The following ANO4 variants were observed in gnomAD, a reference collection of about 807,000 sequenced individuals.
The protein encoded by ANO4 is anoctamin 4.
Under a neutral mutation model 141.9 loss-of-function variants are expected in ANO4, and 69 were observed. That is an observed-to-expected ratio of 0.49 (90% CI 0.40 to 0.59). The LOEUF (loss-of-function observed/expected upper bound fraction) is 0.59, where lower values mean the gene tolerates loss of function less well. Ranked by LOEUF, ANO4 falls within the 20% of genes least tolerant of loss-of-function variation. The pLI, the probability that ANO4 is intolerant of heterozygous loss-of-function variation, is 0.00. For missense variants in ANO4, 894 were observed against 1,162.2 expected, an observed-to-expected ratio of 0.77 and a Z score of 3.36; for synonymous variants, 350 against 394.3, an observed-to-expected ratio of 0.89 and a Z score of 1.33.
chr12:101,012,418 C>T (rs1433056724), intron 8 of ANO4, among the ~76,000 whole-genome samples: 3 of 152,028 alleles, frequency 2.0e-5, no homozygotes, highest in Non-Finnish European at 4.4e-5. Flanking sequence ...ACTATCTTAG[C>T]TAGGATGATG....
chr12:101,040,065 G>A lies in ANO4; in HGVS notation c.1008G>A (p.Leu336=). Residue 336 remains leucine, a synonymous_variant, in exon 11 of 28, where the codon TTG becomes TTA. Coordinates refer to ENST00000392977, the MANE Select transcript of ANO4 (RefSeq NM_001286615.2). The stretch of plus-strand genomic sequence containing the variant: ...GCGTGTGGTATAAATACCAACCTTT[G>A]GATCTTGTAAGGTGAGTTTTTAATC... ...SWGVWYKYQP[L]DLVRRYFGEK... The A allele has an allele frequency of 6.2e-7, 1 of 1,607,514 alleles. No homozygotes were observed. Among genetic ancestry groups the A allele is most frequent in the Non-Finnish European group, 8.5e-7 (1 of 1,175,556 alleles).
intron 2 of ANO4, among the ~76,000 whole-genome samples, chr12:100,903,533 C>A (rs1246787901): frequency 6.6e-6 from 1 of 152,140 alleles, no homozygotes; most frequent in Non-Finnish European, 1.5e-5. Context: ...TTGCCCTCTT[C>A]TTCCTTAAGC....
intron 3 of ANO4, among the ~76,000 whole-genome samples, chr12:100,741,094 A>G (rs1016167392): frequency 6.6e-6 from 1 of 152,250 alleles, no homozygotes; most frequent in Non-Finnish European, 1.5e-5. Flanking sequence ...AGAAATGGCC[A>G]TGCAAGGATG....
At chr12:100,997,204 CGT>C (rs2045422542) in intron 8 of ANO4, among the ~76,000 whole-genome samples, 1 of 151,468 alleles carries the variant, frequency 6.6e-6, no homozygotes, top group Non-Finnish European at 1.5e-5. Flanking sequence ...CGTGGTTGCG[CGT>C]GCCTTTAATC....
intron 15 of ANO4, among the ~76,000 whole-genome samples, chr12:101,083,228 A>G (rs992887963): frequency 1.3e-5 from 2 of 152,178 alleles, no homozygotes. Flanking sequence ...TAAGAATTAT[A>G]TTGTCATTAT....
intron 3 of ANO4, among the ~76,000 whole-genome samples, chr12:100,928,952 A>T (rs1187774196): frequency 1.3e-5 from 2 of 152,132 alleles, no homozygotes; most frequent in Non-Finnish European, 2.9e-5. Flanking sequence ...CCAGGTGATG[A>T]CAATGACATC....
intron 7 of ANO4, among the ~76,000 whole-genome samples, chr12:100,984,901 T>A (rs1592927005): frequency 7.4e-6 from 1 of 135,010 alleles, no homozygotes; most frequent in Non-Finnish European, 1.6e-5. Flanking sequence ...TCCTATAGAG[T>A]AGTTATGCCT....
intron 1 of ANO4, among the ~76,000 whole-genome samples, chr12:100,721,765 A>G (rs532135511): frequency 1.4e-3 from 218 of 151,110 alleles, no homozygotes; most frequent in African/African-American, 4.9e-3. Context: ...TGCAGCCTCT[A>G]CCTCCCTGGC....
At position 100,988,874 on chromosome 12, in the gene ANO4, A is replaced by AAAAAAAAAG. The variant is rs2044889159; in HGVS notation, c.734+1212_734+1213insGAAAAAAAA. Among the ~76,000 whole-genome samples the AAAAAAAAAG allele has an allele frequency of 1.6e-5, 2 of 125,598 alleles. 1 individual carries two copies. Among genetic ancestry groups the AAAAAAAAAG allele is most frequent in the Admixed American group, 1.5e-4 (2 of 13,026 alleles). The allele number at this position is 125,598 out of a possible 152,430, so 82.4% of individuals were successfully genotyped here. A position where few individuals can be genotyped will look rare whatever the true frequency, so the allele number is the denominator to read the frequency against. ...TGACAGAGTGAGACTCTGTCTCAGA[A>AAAAAAAAAG]AAAAAAAAAAAAAAGAAAGAAAAAC... is the stretch of plus-strand genomic sequence containing the variant. On this transcript the variant is annotated intron_variant, in intron 8 of 27. Coordinates refer to ENST00000392977, the MANE Select transcript of ANO4 (RefSeq NM_001286615.2).
intron 5 of ANO4, among the ~76,000 whole-genome samples, chr12:100,957,927 C>T (rs889488538): frequency 6.6e-6 from 1 of 152,200 alleles, no homozygotes; most frequent in African/African-American, 2.4e-5. Context: ...AGGCTGGTCT[C>T]AAACCCCTGG....
chr12:101,020,854 C>T (rs2046495264), intron 9 of ANO4, among the ~76,000 whole-genome samples: 1 of 152,068 alleles, frequency 6.6e-6, no homozygotes, highest in Admixed American at 6.5e-5. Context: ...TGGCTTTGTT[C>T]TTATCTCTTT....
intron 5 of ANO4, among the ~76,000 whole-genome samples, chr12:100,970,056 T>C (rs1203193325): frequency 6.6e-6 from 1 of 152,174 alleles, no homozygotes; most frequent in Non-Finnish European, 1.5e-5. Context: ...TCTGGGTTGA[T>C]AAAAAGCCCT....
At chr12:100,905,957 G>A (rs1198694124) in intron 2 of ANO4, among the ~76,000 whole-genome samples, 1 of 152,090 alleles carries the variant, frequency 6.6e-6, no homozygotes, top group East Asian at 1.9e-4. Context: ...AATGTGAGAA[G>A]CAAGGTCATC....
intron 1 of ANO4, among the ~76,000 whole-genome samples, chr12:100,841,017 A>AT (rs2037217465): frequency 6.6e-6 from 1 of 151,786 alleles, no homozygotes; most frequent in Non-Finnish European, 1.5e-5. Flanking sequence ...ATGACCACCT[A>AT]TTTTTCTCTA....
At chr12:100,885,743 G>T (rs2653454) in intron 1 of ANO4, among the ~76,000 whole-genome samples, 47,498 of 152,014 alleles carry the variant, frequency 0.31, 7,773 homozygotes, top group East Asian at 0.54. Flanking sequence ...CTCCTTTTGG[G>T]TGCTGGTAGA....
intron 1 of ANO4, among the ~76,000 whole-genome samples, chr12:100,825,938 A>T (rs915250471): frequency 1.3e-5 from 2 of 152,042 alleles, no homozygotes; most frequent in African/African-American, 4.8e-5. Context: ...AAATTGCACA[A>T]AATTACTTTA....
chr12:100,839,708 G>C (rs2037136635), intron 1 of ANO4, among the ~76,000 whole-genome samples: 1 of 151,910 alleles, frequency 6.6e-6, no homozygotes, highest in Non-Finnish European at 1.5e-5. Context: ...TTTTCCTTTA[G>C]ACAGAACCTT....
chr12:101,001,194 T>A (rs192344418), intron 8 of ANO4, among the ~76,000 whole-genome samples: 2 of 152,252 alleles, frequency 1.3e-5, no homozygotes, highest in East Asian at 3.9e-4. Context: ...CAAATTTACG[T>A]ACAGTAAAAT....
intron 1 of ANO4, among the ~76,000 whole-genome samples, chr12:100,808,898 A>C (rs1037547545): frequency 1.2e-4 from 18 of 152,362 alleles, no homozygotes; most frequent in Middle Eastern, 3.4e-3. Context: ...AATTCAAAGC[A>C]CCAATTGCTG....
Sources: allele counts gnomAD v4.1 joint callset (sites outside exome capture counted in the v4.1 genomes callset), GRCh38; gene constraint gnomAD v4.1.1; transcripts MANE v1.5; gene names NCBI Gene and HGNC (gene_info 2026-07-23, HGNC 2026-07-21).